PTPRN2: variants seen among roughly 807,000 people sequenced by gnomAD.
PTPRN2 encodes the protein protein tyrosine phosphatase receptor type N2, also known as receptor-type tyrosine-protein phosphatase N2.
Under a neutral mutation model 118.8 loss-of-function variants are expected in PTPRN2, and 74 were observed. The ratio of observed to expected loss-of-function variants is 0.62; its 90% CI spans 0.52 to 0.76. The LOEUF is 0.76. Ranked by LOEUF, PTPRN2 falls within the 30% of genes least tolerant of loss-of-function variation. The probability of loss-of-function intolerance (pLI) is 0.00; values close to 1 mark genes in which losing one functional copy is unlikely to be tolerated. For missense variants in PTPRN2, 1,481 were observed against 1,394.4 expected, an observed-to-expected ratio of 1.06 and a Z score of -0.99; for synonymous variants, 641 against 608.0, an observed-to-expected ratio of 1.05 and a Z score of -0.80.
At chr7:158,005,116 C>T (rs1805549701) in intron 11 of PTPRN2, among the ~76,000 whole-genome samples, 1 of 151,534 alleles carries the variant, frequency 6.6e-6, no homozygotes, top group Non-Finnish European at 1.5e-5. Flanking sequence ...CTCTTGTTGC[C>T]CAGGCTGGAG....
chr7:158,069,953 C>T (rs985350290), intron 11 of PTPRN2, among the ~76,000 whole-genome samples: 1 of 152,232 alleles, frequency 6.6e-6, no homozygotes, highest in African/African-American at 2.4e-5. Flanking sequence ...TGAAAACAGT[C>T]AATGAGTCGT....
chr7:157,634,446 C>G (rs527683005), intron 14 of PTPRN2, among the ~76,000 whole-genome samples: 2 of 152,274 alleles, frequency 1.3e-5, no homozygotes, highest in East Asian at 1.9e-4. Flanking sequence ...CTGCCCATAG[C>G]TAAACCCCAA....
chr7:158,109,106 T>C (rs1429580398), intron 10 of PTPRN2, among the ~76,000 whole-genome samples: 21 of 149,960 alleles, frequency 1.4e-4, no homozygotes, highest in Non-Finnish European at 2.8e-4. Flanking sequence ...AAGGAGCCAG[T>C]GAGTGAATGA....
In PTPRN2 at chr7:157,676,983, C is replaced by A. The variant is rs945496043; in HGVS notation, c.2001+5742G>T. 6.6e-6 allele frequency among the ~76,000 whole-genome samples: 1 copy of A among 152,178 alleles called. No homozygotes were observed. Among genetic ancestry groups the A allele is most frequent in the Non-Finnish European group, 1.5e-5 (1 of 68,022 alleles). ...ACCCGCTCCACAGACACCACGCACA[C>A]CGCCCCTCCCCTGGTGCTGTGTGAG... On this transcript the variant is annotated intron_variant, in intron 13 of 22. Coordinates refer to ENST00000389418, the MANE Select transcript of PTPRN2 (RefSeq NM_002847.5). This position sits in a 1 kb window ranked among gnomAD's most constrained non-coding sequence, Gnocchi z 5.6.
intron 11 of PTPRN2, among the ~76,000 whole-genome samples, chr7:157,930,640 G>A (rs1799301422): frequency 6.6e-6 from 1 of 152,186 alleles, no homozygotes; most frequent in South Asian, 2.1e-4. Context: ...GGTGGTGCCT[G>A]AAATCCCTGC....
intron 12 of PTPRN2, among the ~76,000 whole-genome samples, chr7:157,747,916 G>A (rs1801104962): frequency 7.0e-6 from 1 of 143,642 alleles, no homozygotes; most frequent in African/African-American, 2.6e-5. Context: ...TCCCTGAGGT[G>A]TGGGGTGTCC....
chr7:157,766,786 C>G (rs1471710789), intron 12 of PTPRN2, among the ~76,000 whole-genome samples: 1 of 152,248 alleles, frequency 6.6e-6, no homozygotes, highest in East Asian at 1.9e-4. Context: ...GGGTGAGACA[C>G]AGGGCCACTT....
chr7:157,801,197 G>A lies in PTPRN2; in HGVS notation c.1788+97476C>T, dbSNP rs986892435. 1.3e-5 allele frequency among the ~76,000 whole-genome samples: 2 copies of A among 151,838 alleles called. No homozygotes were observed. The highest frequency in any genetic ancestry group is 2.9e-5 in the Non-Finnish European group (2 of 67,998). On this transcript the variant is annotated intron_variant, in intron 12 of 22. Transcript: ENST00000389418. This position sits in a 1 kb window ranked among gnomAD's most constrained non-coding sequence, Gnocchi z 4.2. ...CGTCTTGTGCCTCTCATCTGATTCC[G>A]CTACACGGTGCAAGTTACGCCAGAC...
At chr7:158,126,781 G>T (rs563919911) in intron 9 of PTPRN2, among the ~76,000 whole-genome samples, 1 of 152,206 alleles carries the variant, frequency 6.6e-6, no homozygotes, top group Non-Finnish European at 1.5e-5. Context: ...CCGAGGAAGG[G>T]GCTGGGGGAA....
intron 11 of PTPRN2, among the ~76,000 whole-genome samples, chr7:158,041,510 C>A (rs866640353): frequency 6.6e-6 from 1 of 151,992 alleles, no homozygotes; most frequent in African/African-American, 2.4e-5. Flanking sequence ...TGGTGGTACA[C>A]ACCTGTAGTC....
intron 12 of PTPRN2, among the ~76,000 whole-genome samples, chr7:157,799,382 G>T (rs1013217641): frequency 6.6e-6 from 1 of 152,108 alleles, no homozygotes; most frequent in African/African-American, 2.4e-5. Flanking sequence ...ACCTCCCCAC[G>T]CTGAACGTGT....
intron 2 of PTPRN2, among the ~76,000 whole-genome samples, chr7:158,482,157 T>C (rs1820692015): frequency 6.6e-6 from 1 of 152,210 alleles, no homozygotes; most frequent in Non-Finnish European, 1.5e-5. Flanking sequence ...GGAGATGGAA[T>C]CTACTCCTGG....
intron 2 of PTPRN2, among the ~76,000 whole-genome samples, chr7:158,401,110 G>T (rs1475121763): frequency 6.6e-6 from 1 of 152,100 alleles, no homozygotes. Context: ...GAGGGACGTG[G>T]GGCCTGATGA....
rs78109292 is a variant in PTPRN2, at chr7:157,871,488, G to A, written c.1788+27185C>T. Among the ~76,000 whole-genome samples, 1,127 of 152,178 alleles carry A rather than the reference G, an allele frequency of 7.4e-3. 55 individuals carry two copies. In the East Asian group the frequency reaches 0.13, roughly 17 times the overall value. ...AATTGGACTCAAGGTCGCGTTCATCGGCAGCTGTGATGTAGGAGGCACCCT... is the reference window on the plus strand; with the variant it reads ...AATTGGACTCAAGGTCGCGTTCATCAGCAGCTGTGATGTAGGAGGCACCCT... On this transcript the variant is annotated intron_variant, in intron 12 of 22. Transcript: ENST00000389418.
intron 1 of PTPRN2, among the ~76,000 whole-genome samples, chr7:158,496,042 G>A (rs1467238499): frequency 6.6e-6 from 1 of 151,872 alleles, no homozygotes; most frequent in Non-Finnish European, 1.5e-5. Flanking sequence ...GGGCAGCAGG[G>A]GGCAGCAGGA....
At chr7:158,229,035 C>T (rs1695488799) in intron 3 of PTPRN2, among the ~76,000 whole-genome samples, 3 of 152,104 alleles carry the variant, frequency 2.0e-5, no homozygotes, top group Non-Finnish European at 2.9e-5. Flanking sequence ...CAGCACGAGG[C>T]CCCAGCCAGC....
chr7:158,182,836 G>T (rs998795116), intron 5 of PTPRN2, among the ~76,000 whole-genome samples: 1 of 152,184 alleles, frequency 6.6e-6, no homozygotes, highest in East Asian at 1.9e-4. Flanking sequence ...TAAGTCCATT[G>T]TTTCCTTGTT....
intron 2 of PTPRN2, among the ~76,000 whole-genome samples, chr7:158,476,077 T>C (rs553121696): frequency 2.0e-5 from 3 of 152,216 alleles, no homozygotes; most frequent in Non-Finnish European, 4.4e-5. Flanking sequence ...AAAGGCTTAA[T>C]CACTGCAACC....
rs1444520434 is a variant in PTPRN2, at chr7:157,861,384, G to A, written c.1788+37289C>T. The stretch of plus-strand genomic sequence containing the variant: ...GGTCCCTTCAGTCTGCGCTCCCTGC[G>A]GTGGGCAGTGGCTTCTGTGTTTTGC... On this transcript the variant is annotated intron_variant, in intron 12 of 22. Coordinates refer to ENST00000389418, the MANE Select transcript of PTPRN2 (RefSeq NM_002847.5). This position sits in a 1 kb window ranked among gnomAD's most constrained non-coding sequence, Gnocchi z 5.8. Among the ~76,000 whole-genome samples the A allele has an allele frequency of 1.8e-4, 27 of 152,232 alleles. 1 individual carries two copies. The highest frequency in any genetic ancestry group is 1.7e-3 in the Admixed American group (26 of 15,284).
Sources: gnomAD v4.1 joint callset for allele counts (sites outside exome capture counted in the v4.1 genomes callset) on GRCh38, gnomAD v4.1.1 for gene constraint, Gnocchi (gnomAD v3.1) non-coding constraint, MANE v1.5 for transcripts, NCBI Gene and HGNC (gene_info 2026-07-23, HGNC 2026-07-21) for gene names.